The following PAPPA2 variants were observed in gnomAD, a reference collection of about 807,000 sequenced individuals.
The protein encoded by PAPPA2 is pappalysin 2.
PAPPA2 carries 86 observed loss-of-function variants against 176.4 expected under a neutral mutation model. That is an observed-to-expected ratio of 0.49 (90% CI 0.41 to 0.58). The LOEUF is 0.58. Ranked by LOEUF, PAPPA2 falls within the 20% of genes least tolerant of loss-of-function variation. PAPPA2 has a pLI of 0.00. For missense variants in PAPPA2, 2,073 were observed against 2,256.9 expected, an observed-to-expected ratio of 0.92 and a Z score of 1.65; for synonymous variants, 809 against 852.2, an observed-to-expected ratio of 0.95 and a Z score of 0.88.
intron 3 of PAPPA2, among the ~76,000 whole-genome samples, chr1:176,666,606 TGTGA>T (rs1217539218): frequency 1.5e-3 from 183 of 120,094 alleles, no homozygotes; most frequent in Admixed American, 3.3e-3. Context: ...TGTGTGTGTG[TGTGA>T]GAGAGAGAGA....
chr1:176,754,382 A>G (rs1413733234), intron 14 of PAPPA2, among the ~76,000 whole-genome samples: 2 of 152,246 alleles, frequency 1.3e-5, no homozygotes, highest in African/African-American at 4.8e-5. Flanking sequence ...GAGTCTCAGC[A>G]ATCTCCAGAG....
intron 1 of PAPPA2, among the ~76,000 whole-genome samples, chr1:176,547,917 C>A (rs1038370224): frequency 1.1e-4 from 17 of 152,158 alleles, no homozygotes; most frequent in African/African-American, 4.1e-4. Context: ...ATGTGGGGTG[C>A]CGACCCACAG....
chr1:176,542,860 C>T (rs77006977), intron 1 of PAPPA2, among the ~76,000 whole-genome samples: 13,894 of 152,228 alleles, frequency 0.091, 802 homozygotes, highest in Middle Eastern at 0.17. Context: ...TACACATGAA[C>T]CACGTTTCAT....
chr1:176,536,779 A>C (rs1264631883), intron 1 of PAPPA2, among the ~76,000 whole-genome samples: 1 of 152,188 alleles, frequency 6.6e-6, no homozygotes, highest in Non-Finnish European at 1.5e-5. Context: ...CCAGAGTCCG[A>C]GTGGGAGGGC....
At chr1:176,485,968 T>A (rs1466843309) in intron 1 of PAPPA2, among the ~76,000 whole-genome samples, 2 of 152,312 alleles carry the variant, frequency 1.3e-5, no homozygotes, top group East Asian at 3.9e-4. Flanking sequence ...TTTGGGCTTC[T>A]AGGGGTGATA....
chr1:176,553,258 G>A (rs557872993), intron 1 of PAPPA2, among the ~76,000 whole-genome samples: 2 of 146,512 alleles, frequency 1.4e-5, no homozygotes, highest in South Asian at 4.7e-4. Flanking sequence ...AGGCAGGGAG[G>A]GGGAAGAGAG....
intron 4 of PAPPA2, among the ~76,000 whole-genome samples, chr1:176,671,904 A>C (rs1659025767): frequency 9.3e-6 from 1 of 107,270 alleles, no homozygotes; most frequent in Non-Finnish European, 1.7e-5. Flanking sequence ...CACTCTGGGG[A>C]CTGTTGTGGG....
intron 22 of PAPPA2, 90 bp from the exon 23 acceptor site, chr1:176,842,290 C>G: frequency 8.2e-7 from 1 of 1,224,074 alleles, no homozygotes; most frequent in Non-Finnish European, 1.2e-6. Flanking sequence ...TACAGTTCCT[C>G]TGGGACCAAG....
chr1:176,732,181 AG>A (rs1427648571), intron 12 of PAPPA2, among the ~76,000 whole-genome samples: 18 of 152,296 alleles, frequency 1.2e-4, no homozygotes, highest in Admixed American at 4.6e-4. Flanking sequence ...TTTATAGGAA[AG>A]TTGACAAGAT....
chr1:176,790,050 GA>G, intron 18 of PAPPA2, 73 bp downstream of exon 18: 1 of 1,515,418 alleles, frequency 6.6e-7, no homozygotes, highest in South Asian at 1.2e-5. Context: ...AGAAATTTGA[GA>G]AATGAAATTT....
In PAPPA2 at chr1:176,842,495, TAA is replaced by T; in HGVS notation, c.*42_*43del. 6.4e-7 allele frequency: 1 copy of T among 1,574,544 alleles called. No individual in the cohort carries two copies. Among genetic ancestry groups the T allele is most frequent in the Non-Finnish European group, 8.7e-7 (1 of 1,146,500 alleles). ...CCTCCCTCCACTGCCTCAGAGGCAG[TAA>T]GAAAGAGAGGCCGACCCAGGAGGAA... On this transcript the variant is annotated 3_prime_UTR_variant, in exon 23 of 23. Coordinates refer to ENST00000367662, the MANE Select transcript of PAPPA2 (RefSeq NM_020318.3).
chr1:176,518,125 A>G (rs995948703), intron 1 of PAPPA2, among the ~76,000 whole-genome samples: 5 of 152,152 alleles, frequency 3.3e-5, no homozygotes, highest in Admixed American at 1.3e-4. Flanking sequence ...CTACATATCT[A>G]CCTACCTACT....
chr1:176,471,789 T>C (rs1408510917), intron 1 of PAPPA2, among the ~76,000 whole-genome samples: 1 of 152,228 alleles, frequency 6.6e-6, no homozygotes, highest in Non-Finnish European at 1.5e-5. Context: ...CTCTTTTCTG[T>C]ACAATGTATT....
chr1:176,619,312 A>G (rs1329853714), intron 3 of PAPPA2, among the ~76,000 whole-genome samples: 3 of 152,214 alleles, frequency 2.0e-5, no homozygotes, highest in Admixed American at 6.5e-5. Flanking sequence ...ATCTGAAAGC[A>G]ACTTATATCT....
chr1:176,500,560 T>C (rs1041636464), intron 1 of PAPPA2, among the ~76,000 whole-genome samples: 2 of 150,332 alleles, frequency 1.3e-5, no homozygotes, highest in Admixed American at 1.3e-4. Context: ...TAAAACTAGT[T>C]AACTTAGTTC....
chr1:176,689,839 C>T (rs1431525322), intron 4 of PAPPA2, among the ~76,000 whole-genome samples: 1 of 152,078 alleles, frequency 6.6e-6, no homozygotes, highest in Non-Finnish European at 1.5e-5. Flanking sequence ...TTTAACTCTC[C>T]CAGGTGATTT....
At chr1:176,479,380 A>G (rs1398049639) in intron 1 of PAPPA2, among the ~76,000 whole-genome samples, 1 of 152,106 alleles carries the variant, frequency 6.6e-6, no homozygotes, top group African/African-American at 2.4e-5. Flanking sequence ...CATTAAAAAA[A>G]GGCAGTGGTG....
chr1:176,807,497 C>CTT (rs1156629514), intron 21 of PAPPA2, among the ~76,000 whole-genome samples: 70 of 137,766 alleles, frequency 5.1e-4, no homozygotes, highest in African/African-American at 1.1e-3. Flanking sequence ...TTCTTTCTTT[C>CTT]TTTTTTTTTT....
At chr1:176,800,216 A>T in intron 21 of PAPPA2, 84 bp downstream of exon 21, 1 of 1,337,032 alleles carries the variant, frequency 7.5e-7, no homozygotes, top group Non-Finnish European at 1.1e-6. Context: ...CTAATTTAGG[A>T]CCTGGTCCCT....
Sources: allele counts gnomAD v4.1 joint callset (sites outside exome capture counted in the v4.1 genomes callset), GRCh38; gene constraint gnomAD v4.1.1; transcripts MANE v1.5; gene names NCBI Gene and HGNC (gene_info 2026-07-23, HGNC 2026-07-21).